KIDINS220: variants seen among roughly 807,000 people sequenced by gnomAD.
KIDINS220 encodes the protein kinase D interacting substrate 220.
In KIDINS220, 63 loss-of-function variants were observed where a neutral mutation model predicts 157.6. The ratio of observed to expected loss-of-function variants is 0.40; its 90% CI spans 0.33 to 0.49. The LOEUF (loss-of-function observed/expected upper bound fraction) is 0.49. Among genes scored for constraint, KIDINS220 ranks in the 20% least tolerant of loss-of-function variants. The pLI, the probability that KIDINS220 is intolerant of heterozygous loss-of-function variation, is 0.66. For missense variants in KIDINS220, 1,772 were observed against 2,171.2 expected (o/e 0.82, Z 3.65); for synonymous variants, 732 against 783.6 (o/e 0.93, Z 1.10).
chr2:8,734,820 T>C, intron 27 of KIDINS220, 67 bp from the exon 28 acceptor site: 1 of 1,127,506 alleles, frequency 8.9e-7, no homozygotes, highest in East Asian at 2.4e-5. Context: ...TTACTAGTGA[T>C]TGCCAAGTAT....
chr2:8,758,934 A>T (rs1202100844), intron 22 of KIDINS220, among the ~76,000 whole-genome samples: 2 of 152,158 alleles, frequency 1.3e-5, no homozygotes, highest in African/African-American at 4.8e-5. Flanking sequence ...AGTACACAAC[A>T]ACTCTCAACA....
intron 2 of KIDINS220, among the ~76,000 whole-genome samples, chr2:8,822,301 G>T (rs182846403): frequency 2.6e-5 from 4 of 151,918 alleles, no homozygotes; most frequent in Non-Finnish European, 4.4e-5. Context: ...AAAACATTTC[G>T]AAATCCTCCT....
chr2:8,783,070 G>T (rs546608314), intron 17 of KIDINS220, among the ~76,000 whole-genome samples: 93 of 152,150 alleles, frequency 6.1e-4, no homozygotes, highest in African/African-American at 2.1e-3. Context: ...GCTGTTGCAT[G>T]CCTGTAATCT....
rs1423795833 is a variant in KIDINS220, at chr2:8,729,208, G to T, written c.*1512C>A. The T allele has an allele frequency of 1.0e-6, 1 of 984,502 alleles. No homozygotes were observed. The highest frequency in any genetic ancestry group is 1.2e-6 in the Non-Finnish European group (1 of 829,066). 61.0% of individuals were successfully genotyped at this position (984,502 alleles called of 1,614,324 possible). On this transcript the variant is annotated 3_prime_UTR_variant, in exon 30 of 30. Transcript: ENST00000256707. ...TTAAAGATCATGCAAAATAAACACTGTATTAAAATGCTAGATTACACTCAA... is the reference window on the plus strand; with the variant it reads ...TTAAAGATCATGCAAAATAAACACTTTATTAAAATGCTAGATTACACTCAA...
chr2:8,751,565 A>G lies in KIDINS220; in HGVS notation c.3091T>C (p.Phe1031Leu). ...IDGDIRNFEV[F>L]LSSRTPVLVA... Reference sequence around the variant, plus strand: ...AGAACTGGGGTCCTTGAAGACAAAAACACTTCAAAATTTCTTATATCTCCA... The same window carrying G: ...AGAACTGGGGTCCTTGAAGACAAAAGCACTTCAAAATTTCTTATATCTCCA... Residue 1031 changes from phenylalanine (F) to leucine (L), a missense_variant, in exon 23 of 30, where the codon TTT (phenylalanine) becomes CTT (leucine). By Grantham distance (22) the Phe-to-Leu change is conservative. Transcript: ENST00000256707. 1.2e-6 allele frequency: 2 copies of G among 1,613,424 alleles called. No homozygotes were observed. Among genetic ancestry groups the G allele is most frequent in the Non-Finnish European group, 1.7e-6 (2 of 1,179,448 alleles).
intron 26 of KIDINS220, among the ~76,000 whole-genome samples, chr2:8,739,275 T>C (rs780273579): frequency 6.6e-6 from 1 of 152,178 alleles, no homozygotes; most frequent in Non-Finnish European, 1.5e-5. Context: ...TGAATTACTT[T>C]TAAAAGCTTT....
At chr2:8,771,801 A>G (rs1670273214) in intron 21 of KIDINS220, among the ~76,000 whole-genome samples, 1 of 152,170 alleles carries the variant, frequency 6.6e-6, no homozygotes, top group African/African-American at 2.4e-5. Flanking sequence ...CACAGAAATT[A>G]TATTTTCATG....
chr2:8,747,531 A>G (rs1666756481), intron 25 of KIDINS220: 2 of 424,470 alleles, frequency 4.7e-6, no homozygotes, highest in Admixed American at 7.5e-5. Context: ...TCATGGTGCT[A>G]ATATTTACAT....
chr2:8,785,819 C>G lies in KIDINS220; in HGVS notation c.2151G>C (p.Ser717=). The G allele has an allele frequency of 8.7e-6, 14 of 1,614,046 alleles. No individual in the cohort carries two copies. Among genetic ancestry groups the G allele is most frequent in the Non-Finnish European group, 1.1e-5 (13 of 1,179,986 alleles). The part of the protein sequence containing the change: ...NCRTWWQVLD[S]LLNSQRKRLH... The stretch of plus-strand genomic sequence containing the variant: ...GGCGTTTTCTTTGGGAATTCAGGAG[C>G]GAGTCCAGCACTTGCCACCATGTAC... The change falls in exon 17 of 30, where the codon TCG becomes TCC. Residue 717 remains serine (S), a synonymous_variant. Coordinates refer to ENST00000256707, the MANE Select transcript of KIDINS220 (RefSeq NM_020738.4).
At position 8,731,259 on chromosome 2, in the gene KIDINS220, T is replaced by C; in HGVS notation, c.4777A>G (p.Ser1593Gly). Residue 1593 changes from serine to glycine, a missense_variant, in exon 30 of 30, where the codon AGT becomes GGT. This residue lies in a region of KIDINS220 where 793 missense variants were observed against 885.5 expected (regional missense o/e 0.90). Coordinates refer to ENST00000256707, the MANE Select transcript of KIDINS220 (RefSeq NM_020738.4). This position sits in a 1 kb window ranked among gnomAD's most constrained non-coding sequence, Gnocchi z 5.2. The part of the protein sequence containing the change: ...SSDSGVRSSE[S>G]SPNHSLHNEV... ...TTGTGCAGAGAGTGATTGGGAGAAC[T>C]TTCACTGGATCTCACTCCTGAATCC... 1 of 1,614,136 alleles carries C rather than the reference T, an allele frequency of 6.2e-7. No homozygotes were observed. Among genetic ancestry groups the C allele is most frequent in the Non-Finnish European group, 8.5e-7 (1 of 1,180,044 alleles).
intron 22 of KIDINS220, among the ~76,000 whole-genome samples, chr2:8,753,051 T>G (rs2148062082): frequency 6.6e-6 from 1 of 152,222 alleles, no homozygotes; most frequent in Non-Finnish European, 1.5e-5. Flanking sequence ...TGTTGACAAT[T>G]CCTGATCTAA....
rs772336948 is a variant in KIDINS220 at position 8,785,923 on chromosome 2, C to T, written c.2047G>A (p.Asp683Asn). ...GITLLAIFRV[D>N]PKHLTVNAVL... ...GCATTTACAGTCAGATGCTTTGGGTCAACTCTAAATATAGCCAGAAGAGTA... is the reference window on the plus strand; with the variant it reads ...GCATTTACAGTCAGATGCTTTGGGTTAACTCTAAATATAGCCAGAAGAGTA... Residue 683 changes from aspartate (D) to asparagine (N), a missense_variant, in exon 17 of 30, where the codon GAC becomes AAC. By Grantham distance (23) the Asp-to-Asn change is conservative (BLOSUM62 1). Transcript: ENST00000256707. 4.3e-6 allele frequency: 7 copies of T among 1,613,970 alleles called. No homozygotes were observed. The South Asian group carries it at 7.7e-5, about 18-fold the overall frequency.
In KIDINS220 at chr2:8,806,125, G is replaced by C. The variant is rs1675417790; in HGVS notation, c.603+146C>G. The stretch of plus-strand genomic sequence containing the variant: ...ATATGTTTATAATATAACATTCTTA[G>C]AGTAACAGGAAATGCTTGTTTTCCT... On this transcript the variant is annotated intron_variant, in intron 7 of 29. Transcript: ENST00000256707. 22 of 632,564 alleles carry C rather than the reference G, an allele frequency of 3.5e-5. No homozygotes were observed. The Admixed American group carries it at 5.7e-4, about 16-fold the overall frequency. The allele number at this position is 632,564 out of a possible 1,614,324, so 39.2% of individuals were successfully genotyped here.
intron 1 of KIDINS220, among the ~76,000 whole-genome samples, chr2:8,829,629 T>C (rs1679321733): frequency 6.6e-6 from 1 of 152,142 alleles, no homozygotes; most frequent in African/African-American, 2.4e-5. Context: ...ATAGAAGAAG[T>C]GAGGTAAAAG....
In KIDINS220 at chr2:8,730,622, A is replaced by C. The variant is rs1216463432; in HGVS notation, c.*98T>G. 6.8e-7 allele frequency: 1 copy of C among 1,475,494 alleles called. No individual in the cohort carries two copies. The highest frequency in any genetic ancestry group is 1.4e-5 in the African/African-American group (1 of 71,258). The allele number at this position is 1,475,494 out of a possible 1,614,324, so 91.4% of individuals were successfully genotyped here. A position where few individuals can be genotyped will look rare whatever the true frequency, so the allele number is the denominator to read the frequency against. On this transcript the variant is annotated 3_prime_UTR_variant, in exon 30 of 30. Coordinates refer to ENST00000256707, the MANE Select transcript of KIDINS220 (RefSeq NM_020738.4). ...CCTCATCATCGGTTAGTTATCTGTC[A>C]GCAAAATGTAGAAAGGTGATGGGCG... is the stretch of plus-strand genomic sequence containing the variant.
At chr2:8,746,512 T>C (rs1269472474) in intron 26 of KIDINS220, 5 of 151,276 alleles carry the variant, frequency 3.3e-5, no homozygotes, top group African/African-American at 1.2e-4. Context: ...CTTAAGGTGT[T>C]GGCAAAAAAT....
rs770221769 is a variant in KIDINS220 at position 8,736,827 on chromosome 2, C to T, written c.3717+41G>A. The T allele has an allele frequency of 8.7e-6, 14 of 1,610,192 alleles. No homozygotes were observed. The Admixed American group carries it at 2.3e-4, about 27-fold the overall frequency. On this transcript the variant is annotated intron_variant, in intron 27 of 29. Coordinates refer to ENST00000256707, the MANE Select transcript of KIDINS220 (RefSeq NM_020738.4). ...GACCCACACAGTCCTGTCTTCCGCC[C>T]CCAGCGCTGTCTCTGGTCCGTGTGT...
rs757602359 is a variant in KIDINS220, at chr2:8,814,593, A to G, written c.307-1258T>C. On this transcript the variant is annotated intron_variant, in intron 4 of 29. Transcript: ENST00000256707. ...CAACATATGAGGGAAACAGAAAATCATCATTACACCACCACAGTTATGGTA... is the reference window on the plus strand; with the variant it reads ...CAACATATGAGGGAAACAGAAAATCGTCATTACACCACCACAGTTATGGTA... Among the ~76,000 whole-genome samples, 28 of 152,254 alleles carry G rather than the reference A, an allele frequency of 1.8e-4. 1 individual carries two copies. The highest frequency in any genetic ancestry group is 4.6e-4 in the Admixed American group (7 of 15,284).
At chr2:8,798,879 C>T (rs1441340506) in intron 9 of KIDINS220, among the ~76,000 whole-genome samples, 1 of 152,140 alleles carries the variant, frequency 6.6e-6, no homozygotes, top group African/African-American at 2.4e-5. Context: ...AACTCAAACA[C>T]AGAAGAGGAC....
Sources: allele counts gnomAD v4.1 joint callset (sites outside exome capture counted in the v4.1 genomes callset), GRCh38; gene constraint gnomAD v4.1.1; regional missense constraint gnomAD v4.1.1; non-coding constraint Gnocchi (gnomAD v3.1); transcripts MANE v1.5; gene names NCBI Gene and HGNC (gene_info 2026-07-23, HGNC 2026-07-21).